Variants in PCDHA2 observed in about 807,000 individuals in gnomAD.
PCDHA2 encodes protocadherin alpha-2.
In PCDHA2, 58 loss-of-function variants were observed where a neutral mutation model predicts 66.0. The observed-to-expected ratio is 0.88, with a 90% confidence interval of 0.71 to 1.09. The LOEUF is 1.09. Among genes scored for constraint, PCDHA2 ranks in the 50% least tolerant of loss-of-function variants. The probability of loss-of-function intolerance (pLI) is 0.00; values close to 1 mark genes in which losing one functional copy is unlikely to be tolerated. For synonymous variants in PCDHA2, 634 were observed against 554.0 expected (o/e 1.14, Z -2.03); for missense variants, 1,267 against 1,242.3 (o/e 1.02, Z -0.30).
chr5:140,801,493 G>T, intron 1 of PCDHA2: 1 of 1,614,184 alleles, frequency 6.2e-7, no homozygotes, highest in Non-Finnish European at 8.5e-7. Context: ...TGCGGGCGGA[G>T]CGCGGAGTGC....
At chr5:140,995,682 T>A (rs566340825) in intron 3 of PCDHA2, among the ~76,000 whole-genome samples, 28 of 152,312 alleles carry the variant, frequency 1.8e-4, no homozygotes, top group East Asian at 9.6e-4. Context: ...GCATTTTTTT[T>A]AATTGTTAAA....
At chr5:140,821,996 T>G (rs2150112838) in intron 1 of PCDHA2, 3 of 1,614,014 alleles carry the variant, frequency 1.9e-6, no homozygotes, top group East Asian at 4.5e-5. Context: ...GGGGACCTTC[T>G]GGAGGTAAAT....
intron 1 of PCDHA2, among the ~76,000 whole-genome samples, chr5:140,871,958 G>A (rs1251366239): frequency 1.3e-5 from 2 of 152,180 alleles, no homozygotes; most frequent in Non-Finnish European, 2.9e-5. Context: ...CTAAAGGGAG[G>A]AGGTCTTCCT....
intron 1 of PCDHA2, chr5:140,801,888 A>T: frequency 6.2e-7 from 1 of 1,614,168 alleles, no homozygotes; most frequent in Non-Finnish European, 8.5e-7. Flanking sequence ...ACTAAAGATC[A>T]CTGTTTTAGA....
chr5:140,819,746 A>C (rs1562254494), intron 1 of PCDHA2, among the ~76,000 whole-genome samples: 1 of 152,094 alleles, frequency 6.6e-6, no homozygotes, highest in Non-Finnish European at 1.5e-5. Context: ...ATCAAAAGTC[A>C]AGAGTCTTGT....
At chr5:140,828,480 C>T (rs2150155804) in intron 1 of PCDHA2, 2 of 1,614,198 alleles carry the variant, frequency 1.2e-6, no homozygotes, top group Non-Finnish European at 8.5e-7. Flanking sequence ...AACGACAACC[C>T]GCCCTTGTTC....
intron 1 of PCDHA2, among the ~76,000 whole-genome samples, chr5:140,962,147 T>C (rs2095660496): frequency 1.3e-5 from 2 of 152,176 alleles, no homozygotes; most frequent in South Asian, 4.1e-4. Context: ...AGTGCTGGGA[T>C]TACAGGCGTG....
rs1266651704 is a variant in PCDHA2, at chr5:140,877,267, G to A, written c.2388+79915G>A. ...GGTGGCGAAAGTGCGCGCGGTGGAC[G>A]CTGACTCCGGCTATAACGCTTGGCT... On this transcript the variant is annotated intron_variant, in intron 1 of 3. Coordinates refer to ENST00000526136, the MANE Select transcript of PCDHA2 (RefSeq NM_018905.3). 1.2e-5 allele frequency: 20 copies of A among 1,613,680 alleles called. No homozygotes were observed. Among genetic ancestry groups the A allele is most frequent in the Admixed American group, 6.7e-5 (4 of 59,982 alleles).
At chr5:140,836,021 C>G in intron 1 of PCDHA2, 3 of 1,613,388 alleles carry the variant, frequency 1.9e-6, no homozygotes, top group Non-Finnish European at 2.5e-6. Flanking sequence ...CGCCTCTGGG[C>G]AGCAACGTGA....
rs200850648 is a variant in PCDHA2, at chr5:140,842,182, T to C, written c.2388+44830T>C. 3.0e-4 allele frequency: 478 copies of C among 1,613,232 alleles called. 6 individuals carry two copies. Among genetic ancestry groups the C allele is most frequent in the African/African-American group, 2.2e-3 (164 of 74,868 alleles). ...ATTCTTTTAATAGCCTTGTTGAAAC[T>C]ATGGTTATTGACCACTTTAGCATAG... is the stretch of plus-strand genomic sequence containing the variant. On this transcript the variant is annotated intron_variant, in intron 1 of 3. Coordinates refer to ENST00000526136, the MANE Select transcript of PCDHA2 (RefSeq NM_018905.3).
chr5:141,002,973 G>A (rs1313247449), intron 3 of PCDHA2, among the ~76,000 whole-genome samples: 2 of 152,216 alleles, frequency 1.3e-5, no homozygotes, highest in African/African-American at 2.4e-5. Flanking sequence ...CCTGAAAATA[G>A]TATCCTTGGT....
rs2150424631 is a variant in PCDHA2 at position 140,848,919 on chromosome 5, A to G, written c.2388+51567A>G. ...CCCAGCGACACAAAAGAATCTGTTC[A>G]TCGCGGAATCCAGGCCGCTTGACTC... is the stretch of plus-strand genomic sequence containing the variant. On this transcript the variant is annotated intron_variant, in intron 1 of 3. Coordinates refer to ENST00000526136, the MANE Select transcript of PCDHA2 (RefSeq NM_018905.3). 5 of 1,608,020 alleles carry G rather than the reference A, an allele frequency of 3.1e-6. No homozygotes were observed. The South Asian group carries it at 5.5e-5, about 18-fold the overall frequency.
intron 3 of PCDHA2, among the ~76,000 whole-genome samples, chr5:141,002,433 A>G (rs2098079655): frequency 6.6e-6 from 1 of 152,258 alleles, no homozygotes; most frequent in East Asian, 1.9e-4. Context: ...ACAGGCAATA[A>G]CCATAATAAT....
At chr5:140,875,304 A>AC in intron 1 of PCDHA2, 4 of 1,416,396 alleles carry the variant, frequency 2.8e-6, no homozygotes, top group Non-Finnish European at 3.7e-6. Flanking sequence ...TTTTCTCCGC[A>AC]CCCACATTCC....
intron 1 of PCDHA2, among the ~76,000 whole-genome samples, chr5:140,889,446 TTAATC>T (rs1274795213): frequency 7.2e-5 from 11 of 152,204 alleles, no homozygotes; most frequent in African/African-American, 2.4e-4. Flanking sequence ...ATTTTCCTGT[TTAATC>T]TAAATTTTCA....
intron 1 of PCDHA2, chr5:140,821,966 G>T (rs1280808656): frequency 6.2e-7 from 1 of 1,614,052 alleles, no homozygotes; most frequent in African/African-American, 1.3e-5. Flanking sequence ...CGCCTGTTCC[G>T]GGTGGCGTCC....
chr5:140,978,703 G>C (rs556167285), intron 1 of PCDHA2, among the ~76,000 whole-genome samples: 1 of 152,328 alleles, frequency 6.6e-6, no homozygotes, highest in East Asian at 1.9e-4. Context: ...AGCCAAAGGT[G>C]GCCTTTACAA....
At chr5:140,834,441 A>T in intron 1 of PCDHA2, 1 of 1,613,992 alleles carries the variant, frequency 6.2e-7, no homozygotes, top group Non-Finnish European at 8.5e-7. Context: ...GTTTATTATA[A>T]TTCTAGCAGC....
intron 1 of PCDHA2, chr5:140,966,278 T>TGG (rs1173319352): frequency 3.6e-5 from 13 of 363,192 alleles, no homozygotes; most frequent in Admixed American, 2.8e-4. Context: ...AACTGGACAG[T>TGG]GGGGGTAGGG....
Sources: gnomAD v4.1 joint callset for allele counts (sites outside exome capture counted in the v4.1 genomes callset) on GRCh38, gnomAD v4.1.1 for gene constraint, MANE v1.5 for transcripts, NCBI Gene and HGNC (gene_info 2026-07-23, HGNC 2026-07-21) for gene names.